AMACR: variants seen among roughly 807,000 people sequenced by gnomAD.
AMACR encodes the protein alpha-methylacyl-CoA racemase, also known as 2-methylacyl-CoA racemase.
Under a neutral mutation model 22.2 loss-of-function variants are expected in AMACR, and 18 were observed. The ratio of observed to expected loss-of-function variants is 0.81; its 90% confidence interval spans 0.56 to 1.20. AMACR has a LOEUF of 1.20. AMACR is among the 50% of genes most tolerant of loss of function. The probability of loss-of-function intolerance (pLI) is 0.00; values close to 1 mark genes in which losing one functional copy is unlikely to be tolerated. For missense variants in AMACR, 499 were observed against 490.6 expected (o/e 1.02, Z -0.16); for synonymous variants, 213 against 191.3 (o/e 1.11, Z -0.94).
chr5:34,007,977 C>G lies in AMACR; in HGVS notation c.43G>C (p.Ala15Pro), dbSNP rs755722447. ...ACCATAGCACAGAACGGGCCCGGGG[C>G]CAGGCCGGACAGCTCCACGACCGAG... Reference protein sequence around the residue: ...GISVVELSGLAPGPFCAMVLA... With the variant: ...GISVVELSGLPPGPFCAMVLA... Residue 15 changes from alanine (A) to proline (P), a missense_variant, in exon 1 of 5, where the codon GCC (alanine) becomes CCC (proline). Ala to Pro is a conservative substitution (Grantham distance 27). Transcript: ENST00000335606. 5 of 1,611,398 alleles carry G rather than the reference C, an allele frequency of 3.1e-6. No homozygotes were observed. In the Admixed American group the frequency reaches 5.0e-5, roughly 16 times the overall value.
intron 1 of AMACR, among the ~76,000 whole-genome samples, chr5:34,006,591 C>T (rs1395794538): frequency 6.6e-6 from 1 of 152,334 alleles, no homozygotes; most frequent in East Asian, 1.9e-4. Context: ...CCAGTCACAA[C>T]TCCTCACCCG....
chr5:33,994,243 G>A (rs1032297980), intron 4 of AMACR: 4 of 317,172 alleles, frequency 1.3e-5, no homozygotes, highest in East Asian at 8.2e-5. Flanking sequence ...GCAGTGATGC[G>A]ATCTCAGTGC....
intron 4 of AMACR, chr5:33,997,245 C>G (rs761297796): frequency 5.2e-6 from 4 of 770,134 alleles, no homozygotes; most frequent in African/African-American, 3.4e-5. Flanking sequence ...CTTCTTGATC[C>G]TTTCTTTATT....
Position 33,998,728 on chromosome 5 carries a change from G to T in AMACR, c.652C>A (p.Pro218Thr). 6.2e-7 allele frequency: 1 copy of T among 1,614,042 alleles called. No individual in the cohort carries two copies. The highest frequency in any genetic ancestry group is 8.5e-7 in the Non-Finnish European group (1 of 1,179,996). Residue 218 changes from proline to threonine, a missense_variant, in exon 4 of 5, where the codon CCT (proline) becomes ACT (threonine). By Grantham distance (38) the Pro-to-Thr change is conservative. Transcript: ENST00000335606. ...RGQNMLDGGA[P>T]FYTTYRTADG... ...GCTGTCCTGTAAGTCGTATAGAAAG[G>T]TGCTCCACCATCCAACATGTTCTGT... is the stretch of plus-strand genomic sequence containing the variant.
chr5:34,001,233 A>G (rs1753805559), intron 3 of AMACR, among the ~76,000 whole-genome samples: 1 of 152,230 alleles, frequency 6.6e-6, no homozygotes. Flanking sequence ...TTAATTTAAG[A>G]GTTTAACTGA....
rs774547866 is a variant in AMACR at position 33,989,073 on chromosome 5, T to G, written c.*20A>C. The stretch of plus-strand genomic sequence containing the variant: ...CTGTAAATGCAGTATTCAAATTCAC[T>G]TGAGCCGTGGGCCTGGAAGTTAGAG... On this transcript the variant is annotated 3_prime_UTR_variant, in exon 5 of 5. Transcript: ENST00000335606. 1 of 1,614,058 alleles carries G rather than the reference T, an allele frequency of 6.2e-7. No homozygotes were observed. The highest frequency in any genetic ancestry group is 8.5e-7 in the Non-Finnish European group (1 of 1,180,012).
At position 34,008,034 on chromosome 5, in the gene AMACR, C is replaced by T; in HGVS notation, c.-15G>A. On this transcript the variant is annotated 5_prime_UTR_variant, in exon 1 of 5. Coordinates refer to ENST00000335606, the MANE Select transcript of AMACR (RefSeq NM_014324.6). ...TGCAGTGCCATGGCGCTTCCCAGTG[C>T]CCCGCTGAAGGAAACTGAGCAGCCC... 3 of 1,608,870 alleles carry T rather than the reference C, an allele frequency of 1.9e-6. No homozygotes were observed. The highest frequency in any genetic ancestry group is 1.7e-6 in the Non-Finnish European group (2 of 1,179,668).
Position 33,989,172 on chromosome 5 carries a change from A to T in AMACR, c.1070T>A (p.Phe357Tyr), listed in dbSNP as rs138052540. ...GEHTEEILEEFGFSREEIYQL... is the reference protein window; with the variant it reads ...GEHTEEILEEYGFSREEIYQL... ...ATAAATCTCTTCGCGGCTGAATCCA[A>T]ATTCTTCAAGTATCTCCTCAGTGTG... The change falls in exon 5 of 5, where the codon TTT becomes TAT. Residue 357 changes from phenylalanine to tyrosine, a missense_variant. Phe to Tyr is a conservative substitution (Grantham distance 22, BLOSUM62 3). Transcript: ENST00000335606. 1 of 1,614,200 alleles carries T rather than the reference A, an allele frequency of 6.2e-7. No individual in the cohort carries two copies.
At chr5:33,992,805 A>C (rs1207352385) in intron 4 of AMACR, among the ~76,000 whole-genome samples, 1 of 152,206 alleles carries the variant, frequency 6.6e-6, no homozygotes, top group African/African-American at 2.4e-5. Flanking sequence ...CCGTAAGAAC[A>C]AAGGAAAATT....
chr5:34,004,194 C>A (rs1236574293), intron 3 of AMACR, among the ~76,000 whole-genome samples: 1 of 152,154 alleles, frequency 6.6e-6, no homozygotes, highest in Non-Finnish European at 1.5e-5. Context: ...ACTTCTTGAA[C>A]TTTTTTTGAA....
Position 33,989,266 on chromosome 5 carries a change from G to C in AMACR, c.976C>G (p.Arg326Gly). The C allele has an allele frequency of 8.7e-6, 14 of 1,614,070 alleles. No individual in the cohort carries two copies. Among genetic ancestry groups the C allele is most frequent in the Non-Finnish European group, 1.2e-5 (14 of 1,179,996 alleles). ...ITSEEQDVSP[R>G]PAPLLLNTPA... ...GTGTTTAACAGCAGAGGTGCAGGGCGGGGGCTCACGTCCTGCTCCTCACTG... is the reference window on the plus strand; with the variant it reads ...GTGTTTAACAGCAGAGGTGCAGGGCCGGGGCTCACGTCCTGCTCCTCACTG... The change falls in exon 5 of 5, where the codon CGC becomes GGC. Residue 326 changes from arginine (R) to glycine (G), a missense_variant. Coordinates refer to ENST00000335606, the MANE Select transcript of AMACR (RefSeq NM_014324.6).
chr5:33,997,563 T>G (rs371413029), intron 4 of AMACR: 3 of 773,462 alleles, frequency 3.9e-6, no homozygotes, highest in Non-Finnish European at 7.2e-6. Context: ...ATTTGCTATC[T>G]TCATCAGACT....
intron 1 of AMACR, among the ~76,000 whole-genome samples, chr5:34,007,234 G>C (rs2112075924): frequency 6.6e-6 from 1 of 152,360 alleles, no homozygotes; most frequent in South Asian, 2.1e-4. Flanking sequence ...CGCTCTGAAA[G>C]GGGGAAGTCT....
intron 4 of AMACR, among the ~76,000 whole-genome samples, chr5:33,992,878 A>T (rs1753526434): frequency 6.6e-6 from 1 of 152,092 alleles, no homozygotes. Context: ...TATAATTTTA[A>T]ATTGTTATTT....
At position 34,005,914 on chromosome 5, in the gene AMACR, A is replaced by G. The variant is rs1396021164; in HGVS notation, c.248-15T>C. On this transcript the variant is annotated splice_polypyrimidine_tract_variant and intron_variant, in intron 1 of 4. Transcript: ENST00000335606. ...CTCCATGACACCTTAAGAGAAAAGT[A>G]ACGATCTTCTTAAGAGAGTATGAAT... The G allele has an allele frequency of 1.2e-6, 2 of 1,613,904 alleles. No homozygotes were observed. Among genetic ancestry groups the G allele is most frequent in the Non-Finnish European group, 1.7e-6 (2 of 1,179,970 alleles).
chr5:33,996,667 T>G (rs1234785947), intron 4 of AMACR, among the ~76,000 whole-genome samples: 3 of 141,022 alleles, frequency 2.1e-5, no homozygotes, highest in East Asian at 4.4e-4. Flanking sequence ...CTTGGGAGAC[T>G]GAAGCAGGAG....
At chr5:33,991,442 CT>C (rs1256277699) in intron 4 of AMACR, among the ~76,000 whole-genome samples, 1 of 152,108 alleles carries the variant, frequency 6.6e-6, no homozygotes, top group African/African-American at 2.4e-5. Context: ...TTGTGGCTAG[CT>C]GTTATGGTAC....
chr5:33,997,188 A>G (rs1290059413), intron 4 of AMACR: 17 of 760,224 alleles, frequency 2.2e-5, no homozygotes, highest in East Asian at 1.2e-4. Flanking sequence ...GTCATACCCT[A>G]TATGAGGGTT....
Position 34,007,722 on chromosome 5 carries a change from C to A in AMACR, c.247+51G>T, listed in dbSNP as rs1228329815. Reference sequence around the variant, plus strand: ...GCAGCCTCGATCGAACGGCCAGGCCCCTCCCCTCCGCGGGAACTTCCCGAG... The same window carrying A: ...GCAGCCTCGATCGAACGGCCAGGCCACTCCCCTCCGCGGGAACTTCCCGAG... On this transcript the variant is annotated intron_variant, in intron 1 of 4. Transcript: ENST00000335606. 4 of 1,503,898 alleles carry A rather than the reference C, an allele frequency of 2.7e-6. No individual in the cohort carries two copies. In the African/African-American group the frequency reaches 4.2e-5, roughly 16 times the overall value. The allele number at this position is 1,503,898 out of a possible 1,614,324, so 93.2% of individuals were successfully genotyped here.
Sources: allele counts gnomAD v4.1 joint callset (sites outside exome capture counted in the v4.1 genomes callset), GRCh38; gene constraint gnomAD v4.1.1; transcripts MANE v1.5; gene names NCBI Gene and HGNC (gene_info 2026-07-23, HGNC 2026-07-21).